Variants in NNT observed in about 807,000 individuals in gnomAD.
The protein encoded by NNT is NAD(P) transhydrogenase, mitochondrial.
Under a neutral mutation model 104.8 loss-of-function variants are expected in NNT, and 50 were observed. The ratio of observed to expected loss-of-function variants is 0.48; its 90% CI spans 0.38 to 0.60. The LOEUF (loss-of-function observed/expected upper bound fraction) is 0.60. NNT is among the 20% of genes least tolerant of loss of function. The probability of loss-of-function intolerance (pLI) is 0.00; values close to 1 mark genes in which losing one functional copy is unlikely to be tolerated. For synonymous variants in NNT, 461 were observed against 490.4 expected (o/e 0.94, Z 0.79); for missense variants, 1,131 against 1,330.7 (o/e 0.85, Z 2.33).
intron 2 of NNT, among the ~76,000 whole-genome samples, chr5:43,610,994 A>G (rs2111788042): frequency 6.6e-6 from 1 of 152,218 alleles, no homozygotes; most frequent in African/African-American, 2.4e-5. Context: ...CATATTGAAA[A>G]GTGTAGTAAG....
Position 43,645,520 on chromosome 5 carries a change from C to G in NNT, c.1444+10C>G, listed in dbSNP as rs201279958. 3.9e-5 allele frequency: 57 copies of G among 1,475,096 alleles called. No homozygotes were observed. The highest frequency in any genetic ancestry group is 4.8e-5 in the Non-Finnish European group (53 of 1,110,668). The allele number at this position is 1,475,096 out of a possible 1,614,324, so 91.4% of individuals were successfully genotyped here. A position where few individuals can be genotyped will look rare whatever the true frequency, so the allele number is the denominator to read the frequency against. On this transcript the variant is annotated intron_variant, in intron 10 of 21. Transcript: ENST00000344920. ...TCTGCATATACAGCAGGTGAGGATA[C>G]CATTTACCAGGGTTTAGTCTTGATT...
chr5:43,632,019 T>G (rs536157675), intron 7 of NNT, among the ~76,000 whole-genome samples: 1 of 149,878 alleles, frequency 6.7e-6, no homozygotes, highest in African/African-American at 2.4e-5. Flanking sequence ...ATTAGAATAT[T>G]ATATGGAAGA....
Position 43,704,714 on chromosome 5 carries a change from C to T in NNT, c.*310C>T, listed in dbSNP as rs1405752193. 1 of 238,856 alleles carries T rather than the reference C, an allele frequency of 4.2e-6. No individual in the cohort carries two copies. The highest frequency in any genetic ancestry group is 6.6e-5 in the South Asian group (1 of 15,126). The allele number at this position is 238,856 out of a possible 1,614,324, so 14.8% of individuals were successfully genotyped here. On this transcript the variant is annotated 3_prime_UTR_variant, in exon 22 of 22. Transcript: ENST00000344920. The stretch of plus-strand genomic sequence containing the variant: ...TAGTCCTGTTGGATTTTTTATGCCT[C>T]CTCAGTAACCAGAAATGTTTTAAAA...
intron 19 of NNT, among the ~76,000 whole-genome samples, chr5:43,698,794 A>G (rs1035470059): frequency 6.6e-6 from 1 of 151,736 alleles, no homozygotes; most frequent in African/African-American, 2.4e-5. Context: ...GAATGAATAT[A>G]TTACTATATG....
intron 17 of NNT, among the ~76,000 whole-genome samples, chr5:43,662,819 G>A (rs1244385288): frequency 6.6e-6 from 1 of 151,892 alleles, no homozygotes; most frequent in East Asian, 1.9e-4. Context: ...CCTGAACCTG[G>A]GGAGGTTGAG....
At chr5:43,684,590 C>T (rs1416729806) in intron 19 of NNT, among the ~76,000 whole-genome samples, 1 of 151,798 alleles carries the variant, frequency 6.6e-6, no homozygotes, top group Non-Finnish European at 1.5e-5. Context: ...TGTTTCCCTT[C>T]GGATGGATAG....
rs374049716 is a variant in NNT at position 43,681,176 on chromosome 5, C to T, written c.2876+3370C>T. Among the ~76,000 whole-genome samples the T allele has an allele frequency of 4.3e-3, 615 of 144,038 alleles. 5 individuals carry two copies. The highest frequency in any genetic ancestry group is 0.015 in the African/African-American group (571 of 38,818). The allele number at this position is 144,038 out of a possible 152,430, so 94.5% of individuals were successfully genotyped here. On this transcript the variant is annotated intron_variant, in intron 19 of 21. Transcript: ENST00000344920. ...TCGGGAGGGTGAGGCAGGAGAATGG[C>T]GTGAACCCAGGAGGTGGAGCTCGCA...
At chr5:43,625,814 G>C (rs965313879) in intron 6 of NNT, among the ~76,000 whole-genome samples, 1 of 152,000 alleles carries the variant, frequency 6.6e-6, no homozygotes, top group Admixed American at 6.5e-5. Context: ...GGAAAAATGT[G>C]AAAAAGCACA....
Position 43,656,796 on chromosome 5 carries a change from GCT to G in NNT, c.2444_2445del (p.Ser815CysfsTer15). 6.2e-7 allele frequency: 1 copy of G among 1,612,636 alleles called. No homozygotes were observed. Among genetic ancestry groups the G allele is most frequent in the Non-Finnish European group, 8.5e-7 (1 of 1,179,654 alleles). The stretch of plus-strand genomic sequence containing the variant: ...CATCACCTGTCTGGGTTCAGTGTCT[GCT>G]CTCTCTGCTGTCATGGTAAGAAGTC... ...TGITCLGSVSALSAVMGVTLT... is the reference protein window; with the variant it reads ...TGITCLGSVSXLSAVMGVTLT... On this transcript the variant is annotated frameshift_variant, in exon 16 of 22. Transcript: ENST00000344920. LOFTEE classifies it high-confidence loss of function.
chr5:43,637,016 G>A (rs1750962045), intron 7 of NNT, among the ~76,000 whole-genome samples: 1 of 152,122 alleles, frequency 6.6e-6, no homozygotes, highest in South Asian at 2.1e-4. Context: ...GTTTGTAAAA[G>A]CCAACTATTT....
intron 12 of NNT, among the ~76,000 whole-genome samples, chr5:43,651,364 G>A (rs771080161): frequency 2.0e-5 from 3 of 151,990 alleles, no homozygotes; most frequent in Non-Finnish European, 4.4e-5. Context: ...ATCACCTGAG[G>A]TCAGGAGTTC....
At chr5:43,662,116 T>C (rs1740401362) in intron 17 of NNT, among the ~76,000 whole-genome samples, 1 of 152,252 alleles carries the variant, frequency 6.6e-6, no homozygotes, top group South Asian at 2.1e-4. Flanking sequence ...GGGTAATTTC[T>C]CATTTTATCC....
At chr5:43,690,862 A>C (rs13165656) in intron 19 of NNT, among the ~76,000 whole-genome samples, 11,473 of 152,262 alleles carry the variant, frequency 0.075, 603 homozygotes, top group East Asian at 0.2. Flanking sequence ...AAAAAAGAAG[A>C]CTGAAATTTC....
chr5:43,689,563 T>A (rs1678518513), intron 19 of NNT, among the ~76,000 whole-genome samples: 2 of 152,168 alleles, frequency 1.3e-5, no homozygotes, highest in Non-Finnish European at 2.9e-5. Flanking sequence ...TCGAGTTGAT[T>A]TTTGTATAAG....
rs183053879 is a variant in NNT at position 43,614,857 on chromosome 5, G to T, written c.382-991G>T. Among the ~76,000 whole-genome samples the T allele has an allele frequency of 6.4e-3, 977 of 152,334 alleles. 2 individuals are homozygous for T. The highest frequency in any genetic ancestry group is 9.7e-3 in the Non-Finnish European group (662 of 68,032). ...AAAATTTGGCTTTAAAAAATGGATG[G>T]CCGGGCGCAGTGGCTCACGCCTGTA... On this transcript the variant is annotated intron_variant, in intron 3 of 21. Transcript: ENST00000344920.
intron 20 of NNT, among the ~76,000 whole-genome samples, chr5:43,701,305 C>T (rs925446930): frequency 7.2e-5 from 11 of 152,244 alleles, no homozygotes; most frequent in Admixed American, 4.6e-4. Flanking sequence ...CAGTGTTTAG[C>T]TCCCACATAT....
chr5:43,640,228 G>T lies in NNT; in HGVS notation c.965-3964G>T, dbSNP rs528126284. ...TAGAGGGCATCTCTTTATATTTGAAGAATTTGTAAACATTGGATATATTCA... is the reference window on the plus strand; with the variant it reads ...TAGAGGGCATCTCTTTATATTTGAATAATTTGTAAACATTGGATATATTCA... On this transcript the variant is annotated intron_variant, in intron 7 of 21. Coordinates refer to ENST00000344920, the MANE Select transcript of NNT (RefSeq NM_182977.3). Among the ~76,000 whole-genome samples, 8 of 152,128 alleles carry T rather than the reference G, an allele frequency of 5.3e-5. No individual in the cohort carries two copies. The South Asian group carries it at 1.7e-3, about 32-fold the overall frequency.
chr5:43,648,741 T>C (rs531650529), intron 10 of NNT, among the ~76,000 whole-genome samples: 1 of 152,320 alleles, frequency 6.6e-6, no homozygotes, highest in African/African-American at 2.4e-5. Flanking sequence ...CTTATAAAGG[T>C]TGTGTCTTGC....
intron 19 of NNT, among the ~76,000 whole-genome samples, chr5:43,688,863 A>G (rs1480534006): frequency 6.6e-6 from 1 of 152,170 alleles, no homozygotes; most frequent in African/African-American, 2.4e-5. Flanking sequence ...CGTGTGTGCA[A>G]ATATCTTTTT....
Sources: allele counts gnomAD v4.1 joint callset (sites outside exome capture counted in the v4.1 genomes callset), GRCh38; gene constraint gnomAD v4.1.1; transcripts MANE v1.5; gene names NCBI Gene and HGNC (gene_info 2026-07-23, HGNC 2026-07-21).